Variants in NCKAP5 observed in about 807,000 individuals in gnomAD.
NCKAP5 encodes the protein NCK associated protein 5, also known as nck-associated protein 5.
Under a neutral mutation model 167.0 loss-of-function variants are expected in NCKAP5, and 92 were observed. The observed-to-expected ratio is 0.55, with a 90% CI of 0.47 to 0.66. The LOEUF (loss-of-function observed/expected upper bound fraction) is 0.66, where lower values mean the gene tolerates loss of function less well. Among genes scored for constraint, NCKAP5 ranks in the 30% least tolerant of loss-of-function variants. NCKAP5 has a pLI of 0.00. For synonymous variants in NCKAP5, 891 were observed against 877.4 expected (o/e 1.02, Z -0.27); for missense variants, 2,378 against 2,315.0 (o/e 1.03, Z -0.56).
intron 12 of NCKAP5, among the ~76,000 whole-genome samples, chr2:132,794,238 A>G (rs188331336): frequency 0.045 from 2,311 of 51,544 alleles, 64 homozygotes; most frequent in African/African-American, 0.11. Flanking sequence ...ATATATATAT[A>G]TATATATATA....
chr2:133,395,328 C>T (rs995261047), intron 3 of NCKAP5, among the ~76,000 whole-genome samples: 2 of 152,204 alleles, frequency 1.3e-5, no homozygotes, highest in African/African-American at 4.8e-5. Flanking sequence ...GAGGGCAACT[C>T]TTCTCAGAAA....
chr2:133,198,102 G>C (rs962379930), intron 5 of NCKAP5, among the ~76,000 whole-genome samples: 2 of 152,078 alleles, frequency 1.3e-5, no homozygotes, highest in Non-Finnish European at 1.5e-5. Flanking sequence ...AGATGATCAA[G>C]AATCAATTAA....
intron 5 of NCKAP5, among the ~76,000 whole-genome samples, chr2:133,152,676 G>A (rs1292226295): frequency 6.6e-6 from 1 of 152,192 alleles, no homozygotes; most frequent in Non-Finnish European, 1.5e-5. Flanking sequence ...AGTGAAAAGA[G>A]CCAGTCTGAA....
chr2:133,056,118 A>T (rs952408594), intron 6 of NCKAP5, among the ~76,000 whole-genome samples: 1 of 152,090 alleles, frequency 6.6e-6, no homozygotes, highest in African/African-American at 2.4e-5. Context: ...TCTGATGTGG[A>T]TTATTTTGTC....
chr2:133,316,552 C>A (rs1326009355), intron 3 of NCKAP5, among the ~76,000 whole-genome samples: 2 of 152,174 alleles, frequency 1.3e-5, no homozygotes, highest in Non-Finnish European at 2.9e-5. Context: ...AACACATAAA[C>A]CTTGCTTGGA....
At chr2:133,205,846 T>G (rs2085926541) in intron 5 of NCKAP5, among the ~76,000 whole-genome samples, 1 of 152,138 alleles carries the variant, frequency 6.6e-6, no homozygotes, top group Non-Finnish European at 1.5e-5. Flanking sequence ...ATATGCCTTT[T>G]TTACTATTTT....
At chr2:133,016,353 A>C (rs984131331) in intron 6 of NCKAP5, among the ~76,000 whole-genome samples, 1 of 152,200 alleles carries the variant, frequency 6.6e-6, no homozygotes, top group African/African-American at 2.4e-5. Flanking sequence ...AAAGGTGATG[A>C]AAATAGAGAA....
At chr2:133,037,028 A>G (rs1007302540) in intron 6 of NCKAP5, among the ~76,000 whole-genome samples, 1 of 152,078 alleles carries the variant, frequency 6.6e-6, no homozygotes, top group Non-Finnish European at 1.5e-5. Flanking sequence ...ACAGTGAACA[A>G]TGTGAAAAAG....
intron 8 of NCKAP5, among the ~76,000 whole-genome samples, chr2:132,916,078 T>C (rs1694851320): frequency 6.6e-6 from 1 of 152,016 alleles, no homozygotes; most frequent in South Asian, 2.1e-4. Context: ...TAGACCTCAG[T>C]GAGCAGAGGC....
At chr2:132,914,425 A>G (rs1694702938) in intron 8 of NCKAP5, among the ~76,000 whole-genome samples, 1 of 152,116 alleles carries the variant, frequency 6.6e-6, no homozygotes, top group Non-Finnish European at 1.5e-5. Flanking sequence ...GCAAGATAGG[A>G]GAGGAAATTT....
intron 8 of NCKAP5, among the ~76,000 whole-genome samples, chr2:132,899,992 T>C (rs1374280647): frequency 5.9e-5 from 9 of 152,142 alleles, no homozygotes; most frequent in Admixed American, 4.6e-4. Context: ...TTGGCCCAAT[T>C]TCATTACTGT....
At chr2:133,135,576 A>C (rs2082761377) in intron 5 of NCKAP5, among the ~76,000 whole-genome samples, 1 of 152,142 alleles carries the variant, frequency 6.6e-6, no homozygotes, top group Admixed American at 6.6e-5. Context: ...TAACAGGCTA[A>C]ATTATAGAAT....
intron 9 of NCKAP5, among the ~76,000 whole-genome samples, chr2:132,872,595 C>T (rs35214934): frequency 0.061 from 9,286 of 152,238 alleles, 323 homozygotes; most frequent in East Asian, 0.099. Flanking sequence ...TTCAGGTTTA[C>T]GGGCGTGGGG....
chr2:133,096,697 C>A (rs1301794760), intron 6 of NCKAP5, among the ~76,000 whole-genome samples: 5 of 152,012 alleles, frequency 3.3e-5, no homozygotes, highest in African/African-American at 1.2e-4. Context: ...CATGAGTAGG[C>A]CTCCCCTAGG....
Position 132,784,420 on chromosome 2 carries a change from C to A in NCKAP5, c.2391G>T (p.Lys797Asn), listed in dbSNP as rs774857880. The A allele has an allele frequency of 3.1e-6, 5 of 1,612,648 alleles. No individual in the cohort carries two copies. The African/African-American group carries it at 5.3e-5, about 17-fold the overall frequency. The stretch of plus-strand genomic sequence containing the variant: ...TGGGAGGTATTTTTGTCAGATTTTG[C>A]TTTTGATAGATGCCCATGGGTGCCG... ...RSSAPMGIYQ[K>N]QNLTKIPPRG... is the part of the protein sequence containing the mutation. Residue 797 changes from lysine (K) to asparagine (N), a missense_variant, in exon 14 of 20, where the codon AAG becomes AAT. Physicochemically the swap from Lys to Asn is moderately conservative, Grantham distance 94. Around this residue, in one of 3 missense-constraint regions of NCKAP5, gnomAD observed 1,049 missense variants for 1,023.4 expected, o/e 1.02. Transcript: ENST00000409261.
At chr2:133,615,891 A>G in the NCKAP5 span, among the ~76,000 whole-genome samples, 1 of 151,802 alleles carries the variant, frequency 6.6e-6, no homozygotes, top group Non-Finnish European at 1.5e-5. Context: ...AATTGACCAC[A>G]TAGTTGGAAG....
intron 11 of NCKAP5, among the ~76,000 whole-genome samples, chr2:132,818,543 C>A (rs1001483425): frequency 2.6e-5 from 4 of 152,198 alleles, no homozygotes; most frequent in Non-Finnish European, 5.9e-5. Context: ...CAAAAATTAG[C>A]TGGGCATGGT....
chr2:132,731,356 G>A (rs1045760885), intron 17 of NCKAP5, among the ~76,000 whole-genome samples: 2 of 152,174 alleles, frequency 1.3e-5, no homozygotes, highest in Non-Finnish European at 2.9e-5. Context: ...ACCAGAACAC[G>A]TATGTTTCTG....
At chr2:133,008,093 G>A (rs143372302) in intron 6 of NCKAP5, among the ~76,000 whole-genome samples, 4 of 152,176 alleles carry the variant, frequency 2.6e-5, no homozygotes, top group South Asian at 2.1e-4. Flanking sequence ...GCCCAGCCTC[G>A]CTAACTTTTC....
Sources: gnomAD v4.1 joint callset for allele counts (sites outside exome capture counted in the v4.1 genomes callset) on GRCh38, gnomAD v4.1.1 for gene constraint, gnomAD v4.1.1 regional missense constraint, MANE v1.5 for transcripts, NCBI Gene and HGNC (gene_info 2026-07-23, HGNC 2026-07-21) for gene names.